Variants in BCOR observed in about 807,000 individuals in gnomAD.
BCOR encodes BCL6 corepressor.
Under a neutral mutation model 86.7 loss-of-function variants are expected in BCOR, and 10 were observed. The ratio of observed to expected loss-of-function variants is 0.12; its 90% CI spans 0.07 to 0.20. The LOEUF is 0.20. Ranked by LOEUF, BCOR falls within the 10% of genes least tolerant of loss-of-function variation. The probability of loss-of-function intolerance (pLI) is 1.00; values close to 1 mark genes in which losing one functional copy is unlikely to be tolerated. For synonymous variants in BCOR, 611 were observed against 609.0 expected (o/e 1.00, Z -0.05); for missense variants, 1,259 against 1,452.1 (o/e 0.87, Z 2.16).
intron 1 of BCOR, among the ~76,000 whole-genome samples, chrX:40,140,294 CAAA>C (rs1201322617): frequency 5.6e-5 from 3 of 53,625 alleles, no homozygotes; most frequent in Admixed American, 2.2e-4. Context: ...CCAGTCTCTA[CAAA>C]AAAAAAAAAA....
At chrX:40,107,114 T>G (rs1276473266) in intron 1 of BCOR, among the ~76,000 whole-genome samples, 1 of 112,625 alleles carries the variant, frequency 8.9e-6, no homozygotes, top group African/African-American at 3.2e-5. Context: ...AGAAAGTGTT[T>G]CTTTCGTGCG....
chrX:40,112,204 C>T (rs1292195319), intron 1 of BCOR, among the ~76,000 whole-genome samples: 2 of 111,401 alleles, frequency 1.8e-5, no homozygotes, highest in Non-Finnish European at 3.8e-5. Flanking sequence ...TATGCTCTAC[C>T]AGTTGCCTTG....
chrX:40,109,513 C>G (rs1305060236), intron 1 of BCOR, among the ~76,000 whole-genome samples: 1 of 112,200 alleles, frequency 8.9e-6, no homozygotes, highest in Non-Finnish European at 1.9e-5. Context: ...GCTCCTCGGC[C>G]CCGGCCCCGG....
chrX:40,164,740 C>G (rs1483146701), intron 1 of BCOR, among the ~76,000 whole-genome samples: 1 of 112,119 alleles, frequency 8.9e-6, no homozygotes, highest in Non-Finnish European at 1.9e-5. Flanking sequence ...GTGCTCATCT[C>G]AGGGATAGGG....
upstream of BCOR, among the ~76,000 whole-genome samples, chrX:40,099,606 A>T (rs1198933526): frequency 8.9e-6 from 1 of 112,459 alleles, no homozygotes; most frequent in African/African-American, 3.2e-5. Context: ...CAAGTTGATT[A>T]CTAAGTCAAG....
intron 1 of BCOR, among the ~76,000 whole-genome samples, chrX:40,170,360 T>G (rs1254274569): frequency 9.1e-6 from 1 of 109,953 alleles, no homozygotes; most frequent in Non-Finnish European, 1.9e-5. Flanking sequence ...TTTTGGTTTT[T>G]TTTTTTTTGA....
intron 1 of BCOR, among the ~76,000 whole-genome samples, chrX:40,148,812 G>A (rs1938113901): frequency 2.7e-5 from 3 of 111,555 alleles, no homozygotes; most frequent in African/African-American, 9.8e-5. Context: ...GTTGAGAGAG[G>A]TCTGTGCTAA....
chrX:40,097,954 C>T lies in BCOR; in HGVS notation c.-780G>A, dbSNP rs749873265. Among the ~76,000 whole-genome samples the T allele has an allele frequency of 1.8e-5, 2 of 110,458 alleles. No homozygotes were observed. Among genetic ancestry groups the T allele is most frequent in the East Asian group, 5.9e-4 (2 of 3,414 alleles). On this transcript the variant is annotated 5_prime_UTR_variant, in exon 1 of 15. Transcript: ENST00000378444. Reference sequence around the variant, plus strand: ...ACCTTGCCGCTGGGAGCCCAGGCTCCGTCTGCCGCCGCACGCCGCGATCCC... The same window carrying T: ...ACCTTGCCGCTGGGAGCCCAGGCTCTGTCTGCCGCCGCACGCCGCGATCCC...
At chrX:40,158,663 G>T (rs1469646882) in intron 1 of BCOR, among the ~76,000 whole-genome samples, 1 of 113,015 alleles carries the variant, frequency 8.8e-6, no homozygotes, top group Non-Finnish European at 1.9e-5. Flanking sequence ...GAGGCAACCT[G>T]CCGAGGCAGC....
intron 1 of BCOR, among the ~76,000 whole-genome samples, chrX:40,130,129 C>T (rs1245125197): frequency 2.7e-5 from 3 of 112,019 alleles, no homozygotes; most frequent in Non-Finnish European, 5.6e-5. Context: ...GCCCCAGCAA[C>T]TCCCTATGCA....
At chrX:40,127,904 A>AT (rs1937562235) in intron 1 of BCOR, among the ~76,000 whole-genome samples, 2 of 106,746 alleles carry the variant, frequency 1.9e-5, no homozygotes, top group Non-Finnish European at 3.9e-5. Context: ...AAATAAATAA[A>AT]TAAATTTAAA....
intron 14 of BCOR, among the ~76,000 whole-genome samples, chrX:40,052,807 G>A (rs1242176839): frequency 9.0e-6 from 1 of 110,579 alleles, no homozygotes; most frequent in African/African-American, 3.3e-5. Context: ...CTCGTGATCC[G>A]CCCGCCTTGG....
Position 40,158,649 on chromosome X carries a change from C to T in BCOR, c.-41+18358G>A, listed in dbSNP as rs755549530. On this transcript the variant is annotated intron_variant, in intron 1 of 14. Transcript: ENST00000342274. The stretch of plus-strand genomic sequence containing the variant: ...CTCCCGCGCACCCCAGAACTCTGTC[C>T]CCAGAGGCAACCTGCCGAGGCAGCT... Among the ~76,000 whole-genome samples, 5 of 112,950 alleles carry T rather than the reference C, an allele frequency of 4.4e-5. No homozygotes were observed. The Admixed American group carries it at 4.6e-4, about 10-fold the overall frequency.
chrX:40,056,740 G>A (rs1018838087), intron 11 of BCOR, among the ~76,000 whole-genome samples: 27 of 111,559 alleles, frequency 2.4e-4, no homozygotes, highest in African/African-American at 8.5e-4. Context: ...CACGGCTGGG[G>A]ATGTGGGTGG....
chrX:40,168,430 C>T (rs1006808937), intron 1 of BCOR, among the ~76,000 whole-genome samples: 1 of 112,849 alleles, frequency 8.9e-6, no homozygotes, highest in Non-Finnish European at 1.9e-5. Context: ...GCGGCAAACA[C>T]CCCCCTCCTA....
At chrX:40,157,443 G>A (rs1938320844) in intron 1 of BCOR, among the ~76,000 whole-genome samples, 8 of 112,277 alleles carry the variant, frequency 7.1e-5, no homozygotes, top group Admixed American at 4.7e-4. Context: ...GCTGCCCAGG[G>A]TAGGTGGAGG....
At chrX:40,083,386 A>C (rs1203784783) in intron 1 of BCOR, among the ~76,000 whole-genome samples, 2 of 111,489 alleles carry the variant, frequency 1.8e-5, no homozygotes, top group African/African-American at 6.5e-5. Flanking sequence ...TCCAAGCCAC[A>C]GCCTTAGCCG....
At chrX:40,137,824 G>A (rs1937716428) in intron 1 of BCOR, among the ~76,000 whole-genome samples, 1 of 111,976 alleles carries the variant, frequency 8.9e-6, no homozygotes, top group African/African-American at 3.2e-5. Context: ...TTCACCCTGA[G>A]AGAGAAGATC....
At chrX:40,149,162 C>G (rs1249747353) in intron 1 of BCOR, among the ~76,000 whole-genome samples, 1 of 108,951 alleles carries the variant, frequency 9.2e-6, no homozygotes, top group African/African-American at 3.4e-5. Context: ...TGCTCTGCTC[C>G]GCTCCGCTCA....
Sources: gnomAD v4.1 joint callset for allele counts (sites outside exome capture counted in the v4.1 genomes callset) on GRCh38, gnomAD v4.1.1 for gene constraint, MANE v1.5 for transcripts, NCBI Gene and HGNC (gene_info 2026-07-23, HGNC 2026-07-21) for gene names.